Variants in ALK observed in about 807,000 individuals in gnomAD.
ALK encodes the protein ALK tyrosine kinase receptor.
ALK carries 74 observed loss-of-function variants against 163.1 expected under a neutral mutation model. That is an observed-to-expected ratio of 0.45 (90% CI 0.38 to 0.55). ALK has a LOEUF of 0.55. Ranked by LOEUF, ALK falls within the 20% of genes least tolerant of loss-of-function variation. ALK has a pLI of 0.00. For missense variants in ALK, 2,063 were observed against 2,105.3 expected (o/e 0.98, Z 0.39); for synonymous variants, 960 against 843.2 (o/e 1.14, Z -2.40).
At chr2:29,217,414 G>A (rs1312341130) in intron 23 of ALK, among the ~76,000 whole-genome samples, 1 of 151,822 alleles carries the variant, frequency 6.6e-6, no homozygotes, top group Non-Finnish European at 1.5e-5. Flanking sequence ...GAGGAGCTGT[G>A]GACATTGGCA....
chr2:29,491,335 T>C (rs1671894161), intron 4 of ALK, among the ~76,000 whole-genome samples: 1 of 152,148 alleles, frequency 6.6e-6, no homozygotes, highest in African/African-American at 2.4e-5. Flanking sequence ...GAGTTCATAA[T>C]ATGTACTCAG....
intron 1 of ALK, among the ~76,000 whole-genome samples, chr2:29,719,073 TCCAGACC>T (rs1679351353): frequency 6.6e-6 from 1 of 152,218 alleles, no homozygotes. Context: ...GTCTCTTGTT[TCCAGACC>T]CCTCCACTAT....
At chr2:29,740,977 G>A (rs1004797599) in intron 1 of ALK, among the ~76,000 whole-genome samples, 5 of 152,132 alleles carry the variant, frequency 3.3e-5, no homozygotes, top group South Asian at 2.1e-4. Context: ...ATGCCAGCCC[G>A]GGTGACAGAA....
chr2:29,632,968 G>A (rs1676420274), intron 3 of ALK, among the ~76,000 whole-genome samples: 1 of 152,172 alleles, frequency 6.6e-6, no homozygotes, highest in African/African-American at 2.4e-5. Flanking sequence ...CAACACCTGG[G>A]AATTATGGGA....
chr2:29,801,159 A>G (rs759961361), intron 1 of ALK, among the ~76,000 whole-genome samples: 66 of 152,246 alleles, frequency 4.3e-4, no homozygotes, highest in Non-Finnish European at 8.5e-4. Flanking sequence ...TGGAGGAAAA[A>G]GAAAAGCTAT....
chr2:29,565,728 A>G (rs902192696), intron 3 of ALK, among the ~76,000 whole-genome samples: 3 of 152,176 alleles, frequency 2.0e-5, no homozygotes, highest in African/African-American at 7.2e-5. Flanking sequence ...TCGCCTCAGC[A>G]CACTGCACAG....
At chr2:29,382,151 G>T (rs1272699642) in intron 5 of ALK, among the ~76,000 whole-genome samples, 1 of 152,162 alleles carries the variant, frequency 6.6e-6, no homozygotes, top group East Asian at 1.9e-4. Flanking sequence ...TTTCTCTAGG[G>T]AATCAGAGGA....
chr2:29,614,162 C>T (rs541357443), intron 3 of ALK, among the ~76,000 whole-genome samples: 2 of 152,266 alleles, frequency 1.3e-5, no homozygotes, highest in South Asian at 2.1e-4. Flanking sequence ...CTCGGGTCCT[C>T]GGATGCCTGC....
At chr2:29,571,646 T>G (rs531097023) in intron 3 of ALK, among the ~76,000 whole-genome samples, 1 of 127,840 alleles carries the variant, frequency 7.8e-6, no homozygotes, top group East Asian at 2.3e-4. Context: ...AGATGTTGTC[T>G]CATTTTGTCG....
chr2:29,213,883 G>A (rs1405086473), intron 24 of ALK, 101 bp downstream of exon 24: 2 of 996,180 alleles, frequency 2.0e-6, no homozygotes, highest in Non-Finnish European at 3.2e-6. Context: ...GGGAGACCTA[G>A]TATTCTGCTC....
intron 1 of ALK, among the ~76,000 whole-genome samples, chr2:29,849,689 G>A (rs1665941741): frequency 6.6e-6 from 1 of 152,192 alleles, no homozygotes; most frequent in Non-Finnish European, 1.5e-5. Flanking sequence ...GGCTCTGGAG[G>A]GCAATCTACC....
At chr2:29,208,424 C>T (rs1669371783) in intron 25 of ALK, among the ~76,000 whole-genome samples, 1 of 152,142 alleles carries the variant, frequency 6.6e-6, no homozygotes, top group African/African-American at 2.4e-5. Context: ...CTCGAGGAGT[C>T]ATGCTGCAGC....
At chr2:29,840,900 A>G (rs1430591246) in intron 1 of ALK, among the ~76,000 whole-genome samples, 4 of 152,230 alleles carry the variant, frequency 2.6e-5, no homozygotes, top group African/African-American at 9.6e-5. Flanking sequence ...TTGCTATTAA[A>G]TAAAGTCAAG....
intron 4 of ALK, among the ~76,000 whole-genome samples, chr2:29,387,033 G>A (rs1262160349): frequency 1.3e-5 from 2 of 152,186 alleles, no homozygotes; most frequent in East Asian, 1.9e-4. Flanking sequence ...CTGACCTAGA[G>A]CCTCCTGGAG....
chr2:29,443,120 A>G (rs1212069903), intron 4 of ALK, among the ~76,000 whole-genome samples: 1 of 152,174 alleles, frequency 6.6e-6, no homozygotes, highest in Non-Finnish European at 1.5e-5. Context: ...ATTTTTAACT[A>G]AACTTTCGCT....
At chr2:29,751,311 A>T (rs1003311478) in intron 1 of ALK, among the ~76,000 whole-genome samples, 8 of 152,152 alleles carry the variant, frequency 5.3e-5, no homozygotes, top group Non-Finnish European at 7.3e-5. Flanking sequence ...ATTTTAAAAA[A>T]ATTAATTGTG....
intron 4 of ALK, among the ~76,000 whole-genome samples, chr2:29,479,889 T>C (rs533462119): frequency 6.6e-6 from 1 of 152,176 alleles, no homozygotes; most frequent in Non-Finnish European, 1.5e-5. Flanking sequence ...GACATGAGAG[T>C]CTTGAAATCT....
chr2:29,716,722 GGAT>G (rs1679266763), intron 2 of ALK, among the ~76,000 whole-genome samples: 1 of 152,070 alleles, frequency 6.6e-6, no homozygotes, highest in Admixed American at 6.5e-5. Context: ...TCTTCATGTC[GGAT>G]GCTGTTGCAG....
chr2:29,688,335 A>G (rs1318958578), intron 3 of ALK, among the ~76,000 whole-genome samples: 1 of 152,232 alleles, frequency 6.6e-6, no homozygotes, highest in Non-Finnish European at 1.5e-5. Context: ...CTTAGCAAAC[A>G]AGGAAGTCTG....
Sources: allele counts gnomAD v4.1 joint callset (sites outside exome capture counted in the v4.1 genomes callset), GRCh38; gene constraint gnomAD v4.1.1; transcripts MANE v1.5; gene names NCBI Gene and HGNC (gene_info 2026-07-23, HGNC 2026-07-21).